The following BCAT1 variants were observed in gnomAD, a reference collection of about 807,000 sequenced individuals.
BCAT1 encodes the protein branched chain amino acid transaminase 1.
In BCAT1, 48 loss-of-function variants were observed where a neutral mutation model predicts 52.4. That is an observed-to-expected ratio of 0.92 (90% CI 0.73 to 1.16). BCAT1 has a LOEUF of 1.16. BCAT1 is among the 50% of genes most tolerant of loss of function. The probability of loss-of-function intolerance (pLI) is 0.00; values close to 1 mark genes in which losing one functional copy is unlikely to be tolerated. For synonymous variants in BCAT1, 167 were observed against 161.3 expected (o/e 1.04, Z -0.27); for missense variants, 451 against 457.1 (o/e 0.99, Z 0.12).
intron 6 of BCAT1, among the ~76,000 whole-genome samples, chr12:24,845,014 A>C (rs149334922): frequency 6.6e-6 from 1 of 151,626 alleles, no homozygotes; most frequent in East Asian, 1.9e-4. Flanking sequence ...GGAGTTCCAG[A>C]CCAGCCTGGC....
At position 24,813,118 on chromosome 12, in the gene BCAT1, A is replaced by G. The variant is rs1939744402; in HGVS notation, c.*4890T>C. On this transcript the variant is annotated 3_prime_UTR_variant, in exon 11 of 11. Coordinates refer to ENST00000261192, the MANE Select transcript of BCAT1 (RefSeq NM_005504.7). ...TCATGCCTTTATCATTTTGAAGCAAATATGTTTATATATGTCTGACCCCAG... is the reference window on the plus strand; with the variant it reads ...TCATGCCTTTATCATTTTGAAGCAAGTATGTTTATATATGTCTGACCCCAG... 1.3e-5 allele frequency: 2 copies of G among 151,898 alleles called. No homozygotes were observed. Among genetic ancestry groups the G allele is most frequent in the African/African-American group, 4.8e-5 (2 of 41,412 alleles). The allele number at this position is 151,898 out of a possible 1,614,324, so 9.4% of individuals were successfully genotyped here.
intron 5 of BCAT1, among the ~76,000 whole-genome samples, chr12:24,860,222 G>C (rs1373921066): frequency 6.6e-6 from 1 of 151,632 alleles, no homozygotes; most frequent in Admixed American, 6.6e-5. Context: ...CATTAAGATA[G>C]AGAGGAAAAA....
intron 10 of BCAT1, among the ~76,000 whole-genome samples, chr12:24,824,882 C>A (rs761486052): frequency 1.3e-5 from 2 of 151,920 alleles, no homozygotes; most frequent in Non-Finnish European, 2.9e-5. Context: ...CATTTATATT[C>A]TTGTTTTTTT....
chr12:24,917,070 A>G (rs549251751), intron 1 of BCAT1, among the ~76,000 whole-genome samples: 1 of 152,346 alleles, frequency 6.6e-6, no homozygotes, highest in South Asian at 2.1e-4. Flanking sequence ...GTAATGTTTC[A>G]AACAAAAACC....
intron 1 of BCAT1, chr12:24,902,822 A>G: frequency 1.5e-6 from 2 of 1,333,030 alleles, no homozygotes; most frequent in Non-Finnish European, 2.0e-6. Context: ...CTGGAGGCGG[A>G]ATGGAGGGCA....
chr12:24,812,664 C>T lies in BCAT1; in HGVS notation c.*5344G>A, dbSNP rs1342139232. 1 of 151,964 alleles carries T rather than the reference C, an allele frequency of 6.6e-6. No individual in the cohort carries two copies. The highest frequency in any genetic ancestry group is 1.5e-5 in the Non-Finnish European group (1 of 67,868). The allele number at this position is 151,964 out of a possible 1,614,324, so 9.4% of individuals were successfully genotyped here. ...ATAAGGAAAAAGCTCCTTTGGATAA[C>T]ACAAAAATATGTTTTGTTTTTTTCC... On this transcript the variant is annotated 3_prime_UTR_variant, in exon 11 of 11. Coordinates refer to ENST00000261192, the MANE Select transcript of BCAT1 (RefSeq NM_005504.7).
In BCAT1 at chr12:24,906,171, C is replaced by A. The variant is rs575985782; in HGVS notation, c.7-4286G>T. On this transcript the variant is annotated intron_variant, in intron 1 of 10. Coordinates refer to ENST00000261192, the MANE Select transcript of BCAT1 (RefSeq NM_005504.7). Reference sequence around the variant, plus strand: ...CACCACTGCACTTGCCTGGGTGACACAGTGAGACACCATCTCAAAAAAAAA... The same window carrying A: ...CACCACTGCACTTGCCTGGGTGACAAAGTGAGACACCATCTCAAAAAAAAA... 2.0e-5 allele frequency among the ~76,000 whole-genome samples: 3 copies of A among 150,838 alleles called. No individual in the cohort carries two copies. The South Asian group carries it at 6.3e-4, about 32-fold the overall frequency.
chr12:24,876,203 G>A (rs904093341), intron 5 of BCAT1, among the ~76,000 whole-genome samples: 40 of 144,884 alleles, frequency 2.8e-4, no homozygotes, highest in African/African-American at 9.2e-4. Context: ...TAGGACCATC[G>A]TAAGTTGGAG....
At chr12:24,866,293 G>A (rs944410998) in intron 5 of BCAT1, among the ~76,000 whole-genome samples, 13 of 152,310 alleles carry the variant, frequency 8.5e-5, no homozygotes, top group South Asian at 2.1e-4. Flanking sequence ...ATTTCTCGCC[G>A]GGCCAGATTT....
chr12:24,864,095 G>C (rs1001263059), intron 5 of BCAT1, among the ~76,000 whole-genome samples: 1 of 152,164 alleles, frequency 6.6e-6, no homozygotes, highest in African/African-American at 2.4e-5. Flanking sequence ...GCAGAGGTGA[G>C]TAGCTATATA....
chr12:24,839,883 C>T (rs79087189), intron 7 of BCAT1, among the ~76,000 whole-genome samples: 2 of 151,126 alleles, frequency 1.3e-5, no homozygotes, highest in African/African-American at 4.9e-5. Context: ...AATTGCATGT[C>T]TTTTTTTTTA....
At chr12:24,889,951 C>G (rs759070087) in intron 3 of BCAT1, among the ~76,000 whole-genome samples, 1 of 152,160 alleles carries the variant, frequency 6.6e-6, no homozygotes, top group Non-Finnish European at 1.5e-5. Flanking sequence ...AGTGAGCTTC[C>G]GGATAGCAGA....
chr12:24,915,768 C>T lies in BCAT1; in HGVS notation c.7-13883G>A, dbSNP rs574010988. Among the ~76,000 whole-genome samples, 4 of 152,306 alleles carry T rather than the reference C, an allele frequency of 2.6e-5. No homozygotes were observed. The East Asian group carries it at 7.7e-4, about 29-fold the overall frequency. On this transcript the variant is annotated intron_variant, in intron 1 of 10. Transcript: ENST00000261192. ...GCAAAACAAACATTGTGGCATAAAACAGACGATATTTAAATAGATATATTT... is the reference window on the plus strand; with the variant it reads ...GCAAAACAAACATTGTGGCATAAAATAGACGATATTTAAATAGATATATTT...
intron 1 of BCAT1, among the ~76,000 whole-genome samples, chr12:24,930,849 G>A (rs1234069002): frequency 1.3e-5 from 2 of 151,234 alleles, no homozygotes; most frequent in African/African-American, 2.4e-5. Flanking sequence ...GAATTTGGAG[G>A]TAGTATCCCT....
At chr12:24,943,914 G>T (rs538570741) in intron 1 of BCAT1, among the ~76,000 whole-genome samples, 1 of 152,024 alleles carries the variant, frequency 6.6e-6, no homozygotes, top group Non-Finnish European at 1.5e-5. Context: ...AACCCAGGAG[G>T]CGGAGCTTGC....
rs1334891851 is a variant in BCAT1 at position 24,842,195 on chromosome 12, C to T, written c.704G>A (p.Cys235Tyr). ...CTGACACCCATTATCTACTGCTTCA[C>T]ATTGGGCAAAAAGAGATGAGCCGTA... ...GNYGSSLFAQ[C>Y]EAVDNGCQQV... The change falls in exon 7 of 11, where the codon TGT becomes TAT. Residue 235 changes from cysteine to tyrosine, a missense_variant. By Grantham distance (194) the Cys-to-Tyr change is radical (BLOSUM62 -2). Coordinates refer to ENST00000261192, the MANE Select transcript of BCAT1 (RefSeq NM_005504.7). The T allele has an allele frequency of 6.2e-7, 1 of 1,613,846 alleles. No homozygotes were observed. The highest frequency in any genetic ancestry group is 1.1e-5 in the South Asian group (1 of 91,070).
chr12:24,817,967 G>A lies in BCAT1; in HGVS notation c.*41C>T. 8 of 1,595,452 alleles carry A rather than the reference G, an allele frequency of 5.0e-6. No homozygotes were observed. The highest frequency in any genetic ancestry group is 6.9e-6 in the Non-Finnish European group (8 of 1,163,856). On this transcript the variant is annotated 3_prime_UTR_variant, in exon 11 of 11. Coordinates refer to ENST00000261192, the MANE Select transcript of BCAT1 (RefSeq NM_005504.7). ...CAACAGTCTGTCCCAGTAGCATACAGTTGGTATCCTCTATTTTCCATTGTA... is the reference window on the plus strand; with the variant it reads ...CAACAGTCTGTCCCAGTAGCATACAATTGGTATCCTCTATTTTCCATTGTA...
At chr12:24,907,962 T>A (rs1943254419) in intron 1 of BCAT1, among the ~76,000 whole-genome samples, 1 of 152,224 alleles carries the variant, frequency 6.6e-6, no homozygotes, top group South Asian at 2.1e-4. Context: ...ATTATTCACC[T>A]AGCCATCCCA....
In BCAT1 at chr12:24,947,167, C is replaced by CCACACACACACACA. The variant is rs57265449; in HGVS notation, c.6+1746_6+1759dup. 2.8e-5 allele frequency among the ~76,000 whole-genome samples: 4 copies of CCACACACACACACA among 141,246 alleles called. No homozygotes were observed. In the South Asian group the frequency reaches 7.1e-4, roughly 25 times the overall value. 92.7% of individuals were successfully genotyped at this position (141,246 alleles called of 152,430 possible). ...CCCCACTAGGCCTCCCGTCTTCCCT[C>CCACACACACACACA]CACACACACACACACACACACACAC... On this transcript the variant is annotated intron_variant, in intron 1 of 10. Transcript: ENST00000261192.
Sources: allele counts gnomAD v4.1 joint callset (sites outside exome capture counted in the v4.1 genomes callset), GRCh38; gene constraint gnomAD v4.1.1; transcripts MANE v1.5; gene names NCBI Gene and HGNC (gene_info 2026-07-23, HGNC 2026-07-21).